The following ANK1 variants were observed in gnomAD, a reference collection of about 807,000 sequenced individuals.
ANK1 encodes ankyrin-1.
A neutral mutation model predicts 210.4 loss-of-function variants in ANK1; 51 were observed. That is an observed-to-expected ratio of 0.24 (90% confidence interval 0.19 to 0.31). The LOEUF (loss-of-function observed/expected upper bound fraction) is 0.31, where lower values mean the gene tolerates loss of function less well. ANK1 is among the 10% of genes least tolerant of loss of function. The probability of loss-of-function intolerance (pLI) is 1.00; values close to 1 mark genes in which losing one functional copy is unlikely to be tolerated. For synonymous variants in ANK1, 967 were observed against 1,025.9 expected (o/e 0.94, Z 1.10); for missense variants, 2,051 against 2,504.4 (o/e 0.82, Z 3.86).
intron 1 of ANK1, among the ~76,000 whole-genome samples, chr8:41,790,983 C>T (rs1847545079): frequency 6.6e-6 from 1 of 152,130 alleles, no homozygotes; most frequent in Non-Finnish European, 1.5e-5. Context: ...GCCCAGCTCC[C>T]CCACCCAGAG....
At chr8:41,853,660 C>G (rs942374294) in intron 1 of ANK1, among the ~76,000 whole-genome samples, 2 of 152,254 alleles carry the variant, frequency 1.3e-5, no homozygotes, top group South Asian at 4.2e-4. Context: ...GGTCCCTACC[C>G]CCACCGCCTT....
intron 1 of ANK1, among the ~76,000 whole-genome samples, chr8:41,874,625 C>G (rs1816218343): frequency 6.6e-6 from 1 of 152,184 alleles, no homozygotes; most frequent in Admixed American, 6.5e-5. Context: ...GGTGTGCTAA[C>G]AAGGAGGTGA....
chr8:41,835,916 C>T (rs1057330204), intron 1 of ANK1, among the ~76,000 whole-genome samples: 1 of 152,220 alleles, frequency 6.6e-6, no homozygotes, highest in African/African-American at 2.4e-5. Flanking sequence ...ATGCCCAGCA[C>T]AAGCTCCCAG....
At chr8:41,735,947 G>A (rs535097740) in intron 2 of ANK1, among the ~76,000 whole-genome samples, 1 of 58,382 alleles carries the variant, frequency 1.7e-5, no homozygotes, top group South Asian at 9.1e-4. Context: ...AGCCTTGCCA[G>A]GGTGTGTGTG....
rs1821616711 is a variant in ANK1, at chr8:41,698,097, C to G, written c.2583G>C (p.Arg861Ser). ...DQVVESPAIPRIPCAMPETVV... is the reference protein window; with the variant it reads ...DQVVESPAIPSIPCAMPETVV... ...CTGTCTCAGGCATGGCACAGGGAAT[C>G]CTGGGGATGGCTGGAGATTCCACCC... The change falls in exon 24 of 43, where the codon AGG (arginine) becomes AGC (serine). Residue 861 changes from arginine to serine, a missense_variant. Transcript: ENST00000289734. 6.2e-7 allele frequency: 1 copy of G among 1,614,006 alleles called. No individual in the cohort carries two copies. Among genetic ancestry groups the G allele is most frequent in the South Asian group, 1.1e-5 (1 of 91,080 alleles).
At chr8:41,719,906 G>C in intron 9 of ANK1, 48 bp from the exon 10 acceptor site, 1 of 1,592,962 alleles carries the variant, frequency 6.3e-7, no homozygotes, top group Non-Finnish European at 8.6e-7. Flanking sequence ...TCTGGGGACC[G>C]AGCATGGAGA....
chr8:41,823,073 G>A (rs1448217825), intron 1 of ANK1, among the ~76,000 whole-genome samples: 3 of 152,192 alleles, frequency 2.0e-5, no homozygotes, highest in East Asian at 3.8e-4. Context: ...GGGCAGAGGA[G>A]GTGCCCACAA....
At chr8:41,804,824 G>A (rs980172906) in intron 1 of ANK1, among the ~76,000 whole-genome samples, 7 of 152,146 alleles carry the variant, frequency 4.6e-5, no homozygotes, top group Admixed American at 3.9e-4. Context: ...AAAACACGGT[G>A]AAAACAGAGA....
At position 41,839,458 on chromosome 8, in the gene ANK1, A is replaced by C. The variant is rs74834940; in HGVS notation, c.126+56897T>G. On this transcript the variant is annotated intron_variant, in intron 1 of 42. Coordinates refer to the ANK1 transcript ENST00000265709. ...GAGGCCATTGTGAAGCAGACACAGC[A>C]GACCCTTTTGTCCTCAGAAAACTGT... Among the ~76,000 whole-genome samples, 158 of 152,386 alleles carry C rather than the reference A, an allele frequency of 1.0e-3. 2 individuals are homozygous for C. The East Asian group carries it at 0.028, about 27-fold the overall frequency.
chr8:41,696,915 C>G, intron 24 of ANK1, 142 bp from the exon 25 acceptor site: 1 of 803,104 alleles, frequency 1.2e-6, no homozygotes, highest in Admixed American at 2.0e-5. Flanking sequence ...ACCCCACCGC[C>G]CTGTCAGACA....
chr8:41,756,567 C>A (rs1305899845), intron 2 of ANK1, among the ~76,000 whole-genome samples: 1 of 151,964 alleles, frequency 6.6e-6, no homozygotes, highest in Non-Finnish European at 1.5e-5. Flanking sequence ...CTCAGCCTCC[C>A]AAGTAGCTGG....
intron 1 of ANK1, among the ~76,000 whole-genome samples, chr8:41,803,870 C>T (rs908600522): frequency 4.0e-5 from 6 of 151,660 alleles, no homozygotes; most frequent in African/African-American, 1.2e-4. Flanking sequence ...TGGGTTAAAC[C>T]CTTCTTGGTC....
intron 1 of ANK1, among the ~76,000 whole-genome samples, chr8:41,847,934 C>T (rs189096722): frequency 1.1e-3 from 167 of 152,164 alleles, no homozygotes; most frequent in African/African-American, 3.7e-3. Flanking sequence ...TTTGGGAGGC[C>T]GAGGCGGGCA....
intron 2 of ANK1, among the ~76,000 whole-genome samples, chr8:41,754,617 A>T (rs932277052): frequency 6.6e-6 from 1 of 152,232 alleles, no homozygotes; most frequent in East Asian, 1.9e-4. Context: ...TTCTCTTGCC[A>T]TGACCCCGGG....
chr8:41,805,755 C>T (rs1000573761), intron 1 of ANK1, among the ~76,000 whole-genome samples: 1 of 152,104 alleles, frequency 6.6e-6, no homozygotes, highest in African/African-American at 2.4e-5. Flanking sequence ...CACTACTTTC[C>T]ATTTTTGCAA....
chr8:41,864,377 C>G (rs187860348), intron 1 of ANK1, among the ~76,000 whole-genome samples: 3 of 152,096 alleles, frequency 2.0e-5, no homozygotes, highest in Admixed American at 1.3e-4. Context: ...CTGGGAGACT[C>G]TTTTGATTGG....
chr8:41,664,849 C>T (rs757808986), intron 39 of ANK1: 1 of 1,612,848 alleles, frequency 6.2e-7, no homozygotes, highest in South Asian at 1.1e-5. Context: ...GAGATGGTCT[C>T]CTCGTCGTCA....
intron 2 of ANK1, among the ~76,000 whole-genome samples, chr8:41,738,193 G>A (rs1405851076): frequency 8.6e-6 from 1 of 115,838 alleles, no homozygotes; most frequent in Non-Finnish European, 2.1e-5. Flanking sequence ...AAAACAGCAA[G>A]ATGAGAAGTG....
At chr8:41,776,636 C>T (rs1340907027) in intron 1 of ANK1, among the ~76,000 whole-genome samples, 1 of 152,168 alleles carries the variant, frequency 6.6e-6, no homozygotes, top group Non-Finnish European at 1.5e-5. Flanking sequence ...TCATTGGGGC[C>T]CTGCTGATAA....
Sources: allele counts gnomAD v4.1 joint callset (sites outside exome capture counted in the v4.1 genomes callset), GRCh38; gene constraint gnomAD v4.1.1; transcripts MANE v1.5; gene names NCBI Gene and HGNC (gene_info 2026-07-23, HGNC 2026-07-21).